The following FAM114A2 variants were observed in gnomAD, a reference collection of about 807,000 sequenced individuals.
The protein encoded by FAM114A2 is protein FAM114A2.
In FAM114A2, 53 loss-of-function variants were observed where a neutral mutation model predicts 58.4. That is an observed-to-expected ratio of 0.91 (90% confidence interval 0.73 to 1.14). The LOEUF (loss-of-function observed/expected upper bound fraction) is 1.14, where lower values mean the gene tolerates loss of function less well. FAM114A2 is among the 50% of genes most tolerant of loss of function. The pLI is 0.00. For synonymous variants in FAM114A2, 228 were observed against 211.4 expected (o/e 1.08, Z -0.68); for missense variants, 601 against 581.1 (o/e 1.03, Z -0.35).
intron 12 of FAM114A2, among the ~76,000 whole-genome samples, chr5:153,996,991 T>TAAAAAAAAAAAAAAAAAAAA (rs57110256): frequency 1.6e-5 from 2 of 121,296 alleles, no homozygotes; most frequent in African/African-American, 3.1e-5. Flanking sequence ...GAGCAAAACT[T>TAAAAAAAAAAAAAAAAAAAA]AAAAAAAAAA....
intron 9 of FAM114A2, among the ~76,000 whole-genome samples, chr5:154,010,287 C>CTTGTAAGTTT (rs1770604382): frequency 6.6e-6 from 1 of 152,142 alleles, no homozygotes; most frequent in Non-Finnish European, 1.5e-5. Flanking sequence ...TGTAACTTTT[C>CTTGTAAGTTT]TCTAAGTTTG....
chr5:154,034,192 GA>G, intron 3 of FAM114A2, 85 bp downstream of exon 3: 1 of 842,320 alleles, frequency 1.2e-6, no homozygotes, highest in Non-Finnish European at 1.9e-6. Context: ...ATGGAAGGAA[GA>G]AGAATTTTAA....
chr5:154,007,539 T>A (rs754842366), intron 9 of FAM114A2, among the ~76,000 whole-genome samples: 5 of 152,150 alleles, frequency 3.3e-5, no homozygotes, highest in Non-Finnish European at 7.4e-5. Context: ...TAAGTCTCAA[T>A]GCCTAAAATT....
chr5:154,030,660 C>T (rs2578376), intron 4 of FAM114A2, among the ~76,000 whole-genome samples: 93,402 of 152,100 alleles, frequency 0.61, 29,221 homozygotes, highest in East Asian at 0.88. Flanking sequence ...CTGAAGCAAT[C>T]GGAATTTGCA....
intron 13 of FAM114A2, 150 bp downstream of exon 13, chr5:153,994,769 T>C: frequency 1.7e-6 from 1 of 592,024 alleles, no homozygotes; most frequent in Non-Finnish European, 3.0e-6. Context: ...GGAATACACA[T>C]CAAATATACA....
Position 154,003,064 on chromosome 5 carries a change from G to T in FAM114A2, c.994-95C>A, listed in dbSNP as rs1770103940. ...AACACAATAGCATCCTAGAAGTAAG[G>T]GCTCCTGTTCTTACCTGAACGTACC... On this transcript the variant is annotated intron_variant, in intron 9 of 13. Transcript: ENST00000351797. 5 of 1,128,124 alleles carry T rather than the reference G, an allele frequency of 4.4e-6. No homozygotes were observed. In the Admixed American group the frequency reaches 9.2e-5, roughly 21 times the overall value. The allele number at this position is 1,128,124 out of a possible 1,614,324, so 69.9% of individuals were successfully genotyped here.
chr5:153,995,558 A>C (rs1000000867), intron 12 of FAM114A2, among the ~76,000 whole-genome samples: 2 of 152,198 alleles, frequency 1.3e-5, no homozygotes, highest in African/African-American at 2.4e-5. Flanking sequence ...TTAAAAAATT[A>C]ACTTAGGCCA....
chr5:154,034,220 G>T, intron 3 of FAM114A2, 58 bp downstream of exon 3: 1 of 1,041,478 alleles, frequency 9.6e-7, no homozygotes, highest in Admixed American at 2.4e-5. Flanking sequence ...CATATGCAAT[G>T]CAGATCTGTA....
chr5:154,033,992 T>C (rs1772366985), intron 3 of FAM114A2, 109 bp from the exon 4 acceptor site: 4 of 726,896 alleles, frequency 5.5e-6, no homozygotes, highest in South Asian at 3.3e-5. Flanking sequence ...ACATGTTATT[T>C]TGACAATACA....
chr5:153,995,075 T>C (rs1037228815), intron 12 of FAM114A2, 103 bp from the exon 13 acceptor site: 1 of 746,324 alleles, frequency 1.3e-6, no homozygotes, highest in Admixed American at 2.1e-5. Flanking sequence ...TACATAAATA[T>C]TAAATATAAG....
In FAM114A2 at chr5:153,994,958, T is replaced by A; in HGVS notation, c.1344A>T (p.Ala448=). ...CLTTAGVKEM[A]DVLNPLITAV... The stretch of plus-strand genomic sequence containing the variant: ...CAGTGATTAATGGGTTAAGGACATC[T>A]GCCATTTCTTTGACCTGGAATAACG... The change falls in exon 13 of 14, where the codon GCA becomes GCT. Residue 448 remains alanine, a synonymous_variant. Transcript: ENST00000351797. The A allele has an allele frequency of 6.2e-7, 1 of 1,609,504 alleles. No individual in the cohort carries two copies. Among genetic ancestry groups the A allele is most frequent in the South Asian group, 1.1e-5 (1 of 90,956 alleles).
chr5:154,009,725 G>A (rs955173730), intron 9 of FAM114A2, among the ~76,000 whole-genome samples: 1 of 152,158 alleles, frequency 6.6e-6, no homozygotes, highest in African/African-American at 2.4e-5. Context: ...GGCCAGGAAT[G>A]TATAAACTGA....
Position 153,997,522 on chromosome 5 carries a change from G to T in FAM114A2, c.1329+281C>A, listed in dbSNP as rs115442900. On this transcript the variant is annotated intron_variant, in intron 12 of 13. Coordinates refer to ENST00000351797, the MANE Select transcript of FAM114A2 (RefSeq NM_018691.4). Reference sequence around the variant, plus strand: ...ACATATTGTTTAATCCCATTTATGTGAAAGATGCAAAGCAGCCAAATCTAT... The same window carrying T: ...ACATATTGTTTAATCCCATTTATGTTAAAGATGCAAAGCAGCCAAATCTAT... Among the ~76,000 whole-genome samples, 260 of 152,244 alleles carry T rather than the reference G, an allele frequency of 1.7e-3. 2 individuals carry two copies. The highest frequency in any genetic ancestry group is 3.7e-3 in the South Asian group (18 of 4,810).
At chr5:154,020,671 A>C (rs1342579505) in intron 8 of FAM114A2, among the ~76,000 whole-genome samples, 1 of 152,166 alleles carries the variant, frequency 6.6e-6, no homozygotes, top group Non-Finnish European at 1.5e-5. Context: ...ACCAACCAAA[A>C]AAAGTCCAGG....
chr5:154,034,394 C>A lies in FAM114A2; in HGVS notation c.211-17G>T, dbSNP rs987436938. On this transcript the variant is annotated splice_polypyrimidine_tract_variant and intron_variant, in intron 2 of 13. Coordinates refer to ENST00000351797, the MANE Select transcript of FAM114A2 (RefSeq NM_018691.4). ...AACATTATCCTAATTTCCCAGTAGG[C>A]AGAAAAACAAAAGGCAAAGAAAAAT... The A allele has an allele frequency of 6.1e-6, 9 of 1,472,118 alleles. No homozygotes were observed. The highest frequency in any genetic ancestry group is 1.8e-4 in the Middle Eastern group (1 of 5,648). 91.2% of individuals were successfully genotyped at this position (1,472,118 alleles called of 1,614,324 possible). A position where few individuals can be genotyped will look rare whatever the true frequency, so the allele number is the denominator to read the frequency against.
chr5:154,020,419 G>C (rs1047239592), intron 8 of FAM114A2, among the ~76,000 whole-genome samples: 1 of 151,890 alleles, frequency 6.6e-6, no homozygotes, highest in Non-Finnish European at 1.5e-5. Context: ...TAACAAAGAA[G>C]AGAGAAGAAT....
At chr5:154,010,752 C>G (rs1459098055) in intron 9 of FAM114A2, among the ~76,000 whole-genome samples, 1 of 152,110 alleles carries the variant, frequency 6.6e-6, no homozygotes, top group East Asian at 1.9e-4. Flanking sequence ...GAATCAGCAC[C>G]AAAAATAAGG....
chr5:154,031,267 G>A (rs1371024220), intron 4 of FAM114A2, among the ~76,000 whole-genome samples: 8 of 117,208 alleles, frequency 6.8e-5, no homozygotes, highest in South Asian at 3.0e-4. Context: ...AGCTGAGATC[G>A]CACCACTGTA....
intron 6 of FAM114A2, 102 bp from the exon 7 acceptor site, chr5:154,027,436 G>A: frequency 1.1e-6 from 1 of 889,658 alleles, no homozygotes; most frequent in Non-Finnish European, 1.6e-6. Flanking sequence ...AGAGTACAGA[G>A]GATTGCCCTT....
Sources: gnomAD v4.1 joint callset for allele counts (sites outside exome capture counted in the v4.1 genomes callset) on GRCh38, gnomAD v4.1.1 for gene constraint, MANE v1.5 for transcripts, NCBI Gene and HGNC (gene_info 2026-07-23, HGNC 2026-07-21) for gene names.